Variants in GPC5 observed in about 807,000 individuals in gnomAD.
GPC5 encodes the protein glypican 5.
In GPC5, 47 loss-of-function variants were observed where a neutral mutation model predicts 53.9. The ratio of observed to expected loss-of-function variants is 0.87; its 90% CI spans 0.69 to 1.11. The LOEUF (loss-of-function observed/expected upper bound fraction) is 1.11, where lower values mean the gene tolerates loss of function less well. GPC5 is among the 50% of genes most tolerant of loss of function. The pLI is 0.00. For missense variants in GPC5, 748 were observed against 713.1 expected (o/e 1.05, Z -0.56); for synonymous variants, 286 against 263.3 (o/e 1.09, Z -0.84).
intron 6 of GPC5, among the ~76,000 whole-genome samples, chr13:92,072,803 T>A (rs1172466468): frequency 6.6e-6 from 1 of 151,644 alleles, no homozygotes; most frequent in South Asian, 2.1e-4. Flanking sequence ...ATTCCTGCCC[T>A]GAAGCGATCT....
chr13:91,705,560 C>A (rs2036080281), intron 3 of GPC5, among the ~76,000 whole-genome samples: 1 of 152,072 alleles, frequency 6.6e-6, no homozygotes, highest in Admixed American at 6.5e-5. Flanking sequence ...TTCATCAGAT[C>A]AGCAGTAGAT....
intron 7 of GPC5, among the ~76,000 whole-genome samples, chr13:92,443,352 G>T (rs541764419): frequency 1.3e-5 from 2 of 152,164 alleles, no homozygotes; most frequent in Non-Finnish European, 2.9e-5. Flanking sequence ...AGACTTGGAG[G>T]TAAAAGATAT....
chr13:92,139,863 T>C (rs1046945443), intron 6 of GPC5, among the ~76,000 whole-genome samples: 1 of 152,044 alleles, frequency 6.6e-6, no homozygotes, highest in African/African-American at 2.4e-5. Flanking sequence ...CAGGGTAAGC[T>C]TAAATTATTT....
rs1171953863 is a variant in GPC5, at chr13:92,055,109, G to A, written c.1402-89721G>A. On this transcript the variant is annotated intron_variant, in intron 6 of 7. Transcript: ENST00000377067. ...CATCCTTCCTGACACAGAACAACTA[G>A]CAACTTTCATTAGAGAAAAGTCAAA... Among the ~76,000 whole-genome samples the A allele has an allele frequency of 2.0e-5, 3 of 152,126 alleles. No homozygotes were observed. In the East Asian group the frequency reaches 5.8e-4, roughly 29 times the overall value.
chr13:92,542,486 T>C (rs1244680871), intron 7 of GPC5, among the ~76,000 whole-genome samples: 2 of 152,046 alleles, frequency 1.3e-5, no homozygotes, highest in Non-Finnish European at 1.5e-5. Context: ...TAATGTCATC[T>C]CTTATCGTTC....
intron 2 of GPC5, among the ~76,000 whole-genome samples, chr13:91,479,985 A>G (rs1883213694): frequency 6.6e-6 from 1 of 152,238 alleles, no homozygotes; most frequent in South Asian, 2.1e-4. Context: ...AGAAATAAGT[A>G]TAGTTTTTAT....
At chr13:92,833,298 A>G (rs912041565) in intron 7 of GPC5, among the ~76,000 whole-genome samples, 1 of 152,178 alleles carries the variant, frequency 6.6e-6, no homozygotes, top group African/African-American at 2.4e-5. Context: ...TAGGGTGAAC[A>G]CAACCTCCTA....
At chr13:92,004,015 T>G (rs2040580838) in intron 6 of GPC5, among the ~76,000 whole-genome samples, 1 of 152,202 alleles carries the variant, frequency 6.6e-6, no homozygotes, top group African/African-American at 2.4e-5. Context: ...TGAACATCAC[T>G]AGAATTTTGA....
chr13:91,792,595 TTCTCTATGA>T (rs2037983828), intron 5 of GPC5, among the ~76,000 whole-genome samples: 1 of 152,212 alleles, frequency 6.6e-6, no homozygotes, highest in Non-Finnish European at 1.5e-5. Context: ...TATATTTCTC[TTCTCTATGA>T]TCACATCTCA....
intron 7 of GPC5, among the ~76,000 whole-genome samples, chr13:92,328,789 T>C (rs2043269375): frequency 6.6e-6 from 1 of 152,198 alleles, no homozygotes; most frequent in African/African-American, 2.4e-5. Flanking sequence ...TCAAATTTTC[T>C]GGTCCTTGTG....
At position 91,693,404 on chromosome 13, in the gene GPC5, T is replaced by C; in HGVS notation, c.543T>C (p.Pro181=). Residue 181 remains proline (P), a synonymous_variant, in exon 3 of 8, where the codon CCT becomes CCC. Coordinates refer to ENST00000377067, the MANE Select transcript of GPC5 (RefSeq NM_004466.6). ...TGGTCTACAACCACCTCATTAACCC[T>C]GGTGTGACTGACAGTTCCCTGGAAT... ...FPLVYNHLIN[P]GVTDSSLEYS... is the part of the protein sequence containing the mutation. The C allele has an allele frequency of 6.2e-7, 1 of 1,614,128 alleles. No homozygotes were observed.
chr13:91,813,705 C>T (rs2138811105), intron 5 of GPC5, among the ~76,000 whole-genome samples: 1 of 152,052 alleles, frequency 6.6e-6, no homozygotes, highest in Admixed American at 6.6e-5. Context: ...CAAATTTCTC[C>T]CAGTATCTAC....
intron 7 of GPC5, among the ~76,000 whole-genome samples, chr13:92,189,670 AT>A (rs1566476712): frequency 6.6e-6 from 1 of 151,696 alleles, no homozygotes; most frequent in Non-Finnish European, 1.5e-5. Context: ...TTTTGGAATT[AT>A]TGGGCCAGGC....
chr13:92,459,128 A>G (rs1278736296), intron 7 of GPC5, among the ~76,000 whole-genome samples: 1 of 152,198 alleles, frequency 6.6e-6, no homozygotes, highest in Non-Finnish European at 1.5e-5. Flanking sequence ...GGTTTTATCA[A>G]AGTGAAACAG....
chr13:92,234,930 A>T (rs184615667), intron 7 of GPC5, among the ~76,000 whole-genome samples: 75 of 152,266 alleles, frequency 4.9e-4, no homozygotes, highest in Admixed American at 1.0e-3. Context: ...TTATATCAAC[A>T]ATTTGGGGCC....
At chr13:91,631,566 G>A (rs6492556) in intron 2 of GPC5, among the ~76,000 whole-genome samples, 131,652 of 152,028 alleles carry the variant, frequency 0.87, 57,148 homozygotes, top group East Asian at 0.99. Context: ...GCTGAGCACT[G>A]CGTGTGCCAC....
intron 2 of GPC5, among the ~76,000 whole-genome samples, chr13:91,629,015 A>G (rs2034085309): frequency 6.6e-6 from 1 of 152,186 alleles, no homozygotes; most frequent in African/African-American, 2.4e-5. Context: ...TTGGAGAGTT[A>G]TTGTGGCAAT....
At chr13:92,374,620 G>A (rs928253350) in intron 7 of GPC5, among the ~76,000 whole-genome samples, 5 of 146,138 alleles carry the variant, frequency 3.4e-5, no homozygotes, top group South Asian at 2.2e-4. Flanking sequence ...ACCAAACACC[G>A]CATATTCTCA....
chr13:92,135,621 A>C (rs1373465664), intron 6 of GPC5, among the ~76,000 whole-genome samples: 1 of 152,180 alleles, frequency 6.6e-6, no homozygotes, highest in African/African-American at 2.4e-5. Flanking sequence ...GCAGTATTAG[A>C]GCCAAGAGAG....
Sources: allele counts gnomAD v4.1 joint callset (sites outside exome capture counted in the v4.1 genomes callset), GRCh38; gene constraint gnomAD v4.1.1; transcripts MANE v1.5; gene names NCBI Gene and HGNC (gene_info 2026-07-23, HGNC 2026-07-21).